The following ATP13A4 variants were observed in gnomAD, a reference collection of about 807,000 sequenced individuals.
ATP13A4 encodes probable cation-transporting ATPase 13A4.
Under a neutral mutation model 142.5 loss-of-function variants are expected in ATP13A4, and 114 were observed. That is an observed-to-expected ratio of 0.80 (90% CI 0.69 to 0.93). The LOEUF (loss-of-function observed/expected upper bound fraction) is 0.93. Ranked by LOEUF, ATP13A4 falls within the 40% of genes least tolerant of loss-of-function variation. The pLI is 0.00. For synonymous variants in ATP13A4, 488 were observed against 514.8 expected, an observed-to-expected ratio of 0.95 and a Z score of 0.70; for missense variants, 1,392 against 1,454.0, an observed-to-expected ratio of 0.96 and a Z score of 0.69.
intron 25 of ATP13A4, among the ~76,000 whole-genome samples, chr3:193,427,956 A>C (rs144049712): frequency 0.073 from 11,130 of 152,270 alleles, 704 homozygotes; most frequent in East Asian, 0.18. Context: ...TAATTAAACA[A>C]AACAGCTTCT....
At chr3:193,485,574 A>G (rs1211890632) in intron 7 of ATP13A4, among the ~76,000 whole-genome samples, 4 of 152,172 alleles carry the variant, frequency 2.6e-5, no homozygotes, top group Non-Finnish European at 5.9e-5. Context: ...GGAAATAAAA[A>G]AAGAAATACG....
intron 27 of ATP13A4, among the ~76,000 whole-genome samples, chr3:193,411,288 A>G (rs1037246945): frequency 3.9e-5 from 6 of 152,194 alleles, no homozygotes; most frequent in African/African-American, 1.4e-4. Context: ...GCACATTTTA[A>G]GTTTCAATTA....
At chr3:193,440,506 G>A (rs1269701130) in intron 21 of ATP13A4, 52 bp downstream of exon 21, 2 of 1,611,578 alleles carry the variant, frequency 1.2e-6, no homozygotes, top group Non-Finnish European at 1.7e-6. Context: ...CACTCCCCCT[G>A]ACTGTTATGC....
rs57300923 is a variant in ATP13A4, at chr3:193,508,335, T to C, written c.235-5696A>G. On this transcript the variant is annotated intron_variant, in intron 2 of 29. Coordinates refer to ENST00000342695, the MANE Select transcript of ATP13A4 (RefSeq NM_032279.4). ...GAATCAAATCCAGGTACTCAGAACC[T>C]AGAGTTTATTCTTAAACCACTTCAC... Among the ~76,000 whole-genome samples, 492 of 152,334 alleles carry C rather than the reference T, an allele frequency of 3.2e-3. 3 individuals are homozygous for C. Among genetic ancestry groups the C allele is most frequent in the African/African-American group, 0.011 (464 of 41,582 alleles).
chr3:193,555,958 G>A (rs1045716840), upstream of ATP13A4, among the ~76,000 whole-genome samples: 4 of 152,210 alleles, frequency 2.6e-5, no homozygotes, highest in African/African-American at 9.7e-5. Context: ...CATTGTGAAA[G>A]TACATTGTAC....
intron 1 of ATP13A4, among the ~76,000 whole-genome samples, chr3:193,536,258 A>G (rs935437017): frequency 1.3e-5 from 2 of 152,092 alleles, no homozygotes; most frequent in African/African-American, 4.8e-5. Flanking sequence ...AGCAAATATA[A>G]TTCCGCAACA....
In ATP13A4 at chr3:193,412,345, A is replaced by G; in HGVS notation, c.3041T>C (p.Ile1014Thr). 1.2e-6 allele frequency: 2 copies of G among 1,614,132 alleles called. No individual in the cohort carries two copies. The highest frequency in any genetic ancestry group is 1.7e-6 in the Non-Finnish European group (2 of 1,180,016). The change falls in exon 27 of 30, where the codon ATC (isoleucine) becomes ACC (threonine). Residue 1014 changes from isoleucine (I) to threonine (T), a missense_variant. Ile to Thr is a moderately conservative substitution (Grantham distance 89, BLOSUM62 -1). Transcript: ENST00000342695. ...AGTTGGAGACATGGTTAACTCTGAG[A>G]TGCTTTCATTTTGTACTGTGCAGGC... The part of the protein sequence containing the change: ...HSACTVQNES[I>T]SELTMSPTAP...
intron 26 of ATP13A4, among the ~76,000 whole-genome samples, chr3:193,412,835 C>A (rs6766613): frequency 0.32 from 48,621 of 151,850 alleles, 8,128 homozygotes; most frequent in East Asian, 0.5. Flanking sequence ...CAGCCTGGCC[C>A]ACATGGTGAA....
intron 13 of ATP13A4, among the ~76,000 whole-genome samples, chr3:193,461,960 G>A (rs1717973795): frequency 6.6e-6 from 1 of 152,180 alleles, no homozygotes; most frequent in African/African-American, 2.4e-5. Flanking sequence ...AGTGGCTGAT[G>A]CCTGTAATCC....
At chr3:193,544,934 A>G (rs901656433) in intron 1 of ATP13A4, among the ~76,000 whole-genome samples, 12 of 152,178 alleles carry the variant, frequency 7.9e-5, no homozygotes, top group African/African-American at 2.7e-4. Flanking sequence ...GGTATATTAT[A>G]TAGTTTCTCA....
At chr3:193,466,569 C>T (rs140725928) in intron 10 of ATP13A4, among the ~76,000 whole-genome samples, 51 of 152,352 alleles carry the variant, frequency 3.3e-4, no homozygotes, top group Middle Eastern at 3.4e-3. Flanking sequence ...TTTTCTAATA[C>T]TTTGCAATGT....
chr3:193,524,569 A>G (rs983440540), intron 1 of ATP13A4, among the ~76,000 whole-genome samples: 11 of 152,218 alleles, frequency 7.2e-5, no homozygotes, highest in African/African-American at 2.7e-4. Context: ...TAGGCAGCCT[A>G]TTTACTGCTC....
chr3:193,521,704 G>A (rs1241983594), intron 1 of ATP13A4, among the ~76,000 whole-genome samples: 6 of 152,076 alleles, frequency 3.9e-5, no homozygotes, highest in East Asian at 1.9e-4. Context: ...AGGCCGAGGC[G>A]GGCAGATCAC....
In ATP13A4 at chr3:193,467,363, G is replaced by A. The variant is rs749783809; in HGVS notation, c.1067C>T (p.Ala356Val). The change falls in exon 10 of 30, where the codon GCC becomes GTC. Residue 356 changes from alanine (A) to valine (V), a missense_variant. Ala to Val is a moderately conservative substitution (Grantham distance 64). Coordinates refer to ENST00000342695, the MANE Select transcript of ATP13A4 (RefSeq NM_032279.4). ...CACGGTCCCAGAGCAAGCTGCCTTG[G>A]CCTGGATAACCTCTGTTCCACAGAA... The part of the protein sequence containing the change: ...VLFCGTEVIQ[A>V]KAACSGTVRA... 8.0e-5 allele frequency: 129 copies of A among 1,614,026 alleles called. No homozygotes were observed.
At chr3:193,530,274 C>G (rs900399870) in intron 1 of ATP13A4, among the ~76,000 whole-genome samples, 30 of 151,410 alleles carry the variant, frequency 2.0e-4, no homozygotes, top group Non-Finnish European at 2.8e-4. Context: ...ATTACTTTTT[C>G]TCCTAGGGAA....
At chr3:193,529,221 G>C (rs1722181594) in intron 1 of ATP13A4, among the ~76,000 whole-genome samples, 1 of 150,834 alleles carries the variant, frequency 6.6e-6, no homozygotes, top group African/African-American at 2.4e-5. Flanking sequence ...AGTGAGCTGA[G>C]ATCGCGCCAC....
At chr3:193,557,762 C>G (rs1054262732), upstream of ATP13A4, among the ~76,000 whole-genome samples, 1 of 152,160 alleles carries the variant, frequency 6.6e-6, no homozygotes, top group South Asian at 2.1e-4. Context: ...ATTTATATGA[C>G]CAGAAAAGCC....
intron 18 of ATP13A4, among the ~76,000 whole-genome samples, chr3:193,446,418 T>C (rs1716958007): frequency 6.6e-6 from 1 of 152,198 alleles, no homozygotes; most frequent in Non-Finnish European, 1.5e-5. Context: ...CAGGGATTGA[T>C]TCTAAGGCCT....
intron 18 of ATP13A4, among the ~76,000 whole-genome samples, chr3:193,443,494 G>T (rs1689086912): frequency 1.3e-5 from 2 of 150,964 alleles, no homozygotes; most frequent in South Asian, 4.1e-4. Flanking sequence ...ATGGTTGATT[G>T]CTAGCCCAAA....
Sources: allele counts gnomAD v4.1 joint callset (sites outside exome capture counted in the v4.1 genomes callset), GRCh38; gene constraint gnomAD v4.1.1; transcripts MANE v1.5; gene names NCBI Gene and HGNC (gene_info 2026-07-23, HGNC 2026-07-21).